Variants in STK39 observed in about 807,000 individuals in gnomAD.
STK39 encodes the protein serine/threonine kinase 39, also known as STE20/SPS1-related proline-alanine-rich protein kinase.
In STK39, 20 loss-of-function variants were observed where a neutral mutation model predicts 77.8. The ratio of observed to expected loss-of-function variants is 0.26; its 90% CI spans 0.18 to 0.37. The LOEUF (loss-of-function observed/expected upper bound fraction) is 0.37. Among genes scored for constraint, STK39 ranks in the 10% least tolerant of loss-of-function variants. STK39 has a pLI of 1.00. For synonymous variants in STK39, 246 were observed against 234.1 expected (o/e 1.05, Z -0.47); for missense variants, 479 against 656.5 (o/e 0.73, Z 2.95).
chr2:168,105,545 C>G (rs967621133), intron 10 of STK39, among the ~76,000 whole-genome samples: 2 of 152,134 alleles, frequency 1.3e-5, no homozygotes, highest in Non-Finnish European at 2.9e-5. Flanking sequence ...AGCCTGGGCT[C>G]GAAAGTCAAT....
At chr2:168,119,277 A>C (rs1816977) in intron 10 of STK39, among the ~76,000 whole-genome samples, 124,288 of 152,066 alleles carry the variant, frequency 0.82, 50,773 homozygotes, top group African/African-American at 0.84. Context: ...CTTCACTGTT[A>C]TTATTGTACA....
In STK39 at chr2:168,182,047, G is replaced by A. The variant is rs375287765; in HGVS notation, c.252C>T (p.Pro84=). The part of the protein sequence containing the change: ...TAVVQAALCK[P]RQERVAIKRI... ...GTTTTATTGCTACACGTTCTTGCCT[G>A]GGTTTGCATAGGGCTGCCTGAACCA... Residue 84 remains proline (P), a synonymous_variant, in exon 2 of 18, where the codon CCC becomes CCT. Coordinates refer to ENST00000355999, the MANE Select transcript of STK39 (RefSeq NM_013233.3). The A allele has an allele frequency of 3.1e-5, 50 of 1,613,892 alleles. No individual in the cohort carries two copies. In the African/African-American group the frequency reaches 4.8e-4, roughly 16 times the overall value.
In STK39 at chr2:167,954,735, G is replaced by T. The variant is rs560567695; in HGVS notation, c.*761C>A. The T allele has an allele frequency of 6.5e-6, 1 of 152,746 alleles. No homozygotes were observed. The highest frequency in any genetic ancestry group is 2.1e-4 in the South Asian group (1 of 4,828). The allele number at this position is 152,746 out of a possible 1,614,324, so 9.5% of individuals were successfully genotyped here. A position where few individuals can be genotyped will look rare whatever the true frequency, so the allele number is the denominator to read the frequency against. On this transcript the variant is annotated 3_prime_UTR_variant, in exon 18 of 18. Coordinates refer to ENST00000355999, the MANE Select transcript of STK39 (RefSeq NM_013233.3). ...TGCAAGGCACCTCCCTCTCCCAAGAGACAGTCAGATTGTAAATTGGTTTTT... is the reference window on the plus strand; with the variant it reads ...TGCAAGGCACCTCCCTCTCCCAAGATACAGTCAGATTGTAAATTGGTTTTT...
chr2:168,068,957 C>T (rs997338842), intron 12 of STK39, among the ~76,000 whole-genome samples: 1 of 152,172 alleles, frequency 6.6e-6, no homozygotes, highest in African/African-American at 2.4e-5. Context: ...CACTCAGTCA[C>T]CTAGGCTGGA....
intron 10 of STK39, among the ~76,000 whole-genome samples, chr2:168,075,461 T>C (rs1485463228): frequency 1.3e-5 from 2 of 152,022 alleles, no homozygotes; most frequent in Non-Finnish European, 2.9e-5. Context: ...ACTATATACA[T>C]GAAGAACAAA....
intron 1 of STK39, among the ~76,000 whole-genome samples, chr2:168,233,043 T>C (rs1690500789): frequency 6.6e-6 from 1 of 152,162 alleles, no homozygotes; most frequent in Non-Finnish European, 1.5e-5. Flanking sequence ...TCAGAGATCG[T>C]CACTTTTTAA....
At chr2:168,148,039 C>T (rs913508015) in intron 5 of STK39, among the ~76,000 whole-genome samples, 8 of 152,170 alleles carry the variant, frequency 5.3e-5, no homozygotes, top group African/African-American at 1.7e-4. Flanking sequence ...TTGAGAATAA[C>T]AAGAAAGCTC....
At chr2:168,154,912 G>T (rs6754648) in intron 5 of STK39, among the ~76,000 whole-genome samples, 1 of 151,896 alleles carries the variant, frequency 6.6e-6, no homozygotes, top group Non-Finnish European at 1.5e-5. Flanking sequence ...AAAAATAAAC[G>T]AAAAAATAAG....
chr2:168,206,733 C>T (rs192061952), intron 1 of STK39, among the ~76,000 whole-genome samples: 34 of 152,220 alleles, frequency 2.2e-4, no homozygotes, highest in Admixed American at 3.3e-4. Flanking sequence ...AAAACAGACA[C>T]CCAATATTCC....
chr2:168,072,710 G>C (rs114727645), intron 12 of STK39, among the ~76,000 whole-genome samples: 3,058 of 152,232 alleles, frequency 0.02, 107 homozygotes, highest in African/African-American at 0.07. Flanking sequence ...CTTTATAATA[G>C]ATAAATAAAA....
intron 16 of STK39, among the ~76,000 whole-genome samples, chr2:167,996,630 A>G (rs1003374843): frequency 2.6e-5 from 4 of 152,186 alleles, no homozygotes; most frequent in Admixed American, 2.6e-4. Context: ...TAGAAATAGA[A>G]GGCTTATTGC....
rs1216317000 is a variant in STK39 at position 167,954,340 on chromosome 2, G to T, written c.*1156C>A. The T allele has an allele frequency of 6.6e-6, 1 of 152,612 alleles. No homozygotes were observed. Among genetic ancestry groups the T allele is most frequent in the African/African-American group, 2.4e-5 (1 of 41,444 alleles). The allele number at this position is 152,612 out of a possible 1,614,324, so 9.5% of individuals were successfully genotyped here. The stretch of plus-strand genomic sequence containing the variant: ...AGGTTTACTAGTTCCATAATATACA[G>T]TCAAGCAGAGGGCTACTTGGGTTGA... On this transcript the variant is annotated 3_prime_UTR_variant, in exon 18 of 18. Transcript: ENST00000355999.
At chr2:168,048,503 C>CCCGGCCCG (rs142317906) in intron 14 of STK39, among the ~76,000 whole-genome samples, 12 of 150,384 alleles carry the variant, frequency 8.0e-5, no homozygotes, top group East Asian at 2.0e-4. Context: ...TGAGCCACCG[C>CCCGGCCCG]GCCCGGCCCG....
chr2:168,145,690 T>C (rs1688118761), intron 5 of STK39, among the ~76,000 whole-genome samples: 1 of 152,176 alleles, frequency 6.6e-6, no homozygotes, highest in Non-Finnish European at 1.5e-5. Flanking sequence ...TACTTCAACA[T>C]ATGCCATGTG....
At chr2:168,200,621 G>A (rs185085293) in intron 1 of STK39, among the ~76,000 whole-genome samples, 2 of 152,210 alleles carry the variant, frequency 1.3e-5, no homozygotes, top group African/African-American at 2.4e-5. Flanking sequence ...AGGTTGCAGT[G>A]AGCCAAGATC....
chr2:168,013,320 C>T (rs1245632277), intron 15 of STK39, among the ~76,000 whole-genome samples: 1 of 152,198 alleles, frequency 6.6e-6, no homozygotes, highest in Non-Finnish European at 1.5e-5. Flanking sequence ...CAGGAGTTCG[C>T]AATCTCATAA....
intron 2 of STK39, among the ~76,000 whole-genome samples, chr2:168,173,241 C>T (rs1688872708): frequency 6.6e-6 from 1 of 152,118 alleles, no homozygotes; most frequent in South Asian, 2.1e-4. Flanking sequence ...AAAATGTATG[C>T]AATACCCTCG....
intron 16 of STK39, among the ~76,000 whole-genome samples, chr2:167,983,299 G>A (rs1412596594): frequency 1.3e-5 from 2 of 151,972 alleles, no homozygotes; most frequent in Admixed American, 1.3e-4. Flanking sequence ...GACCAAGATG[G>A]TGAAACCCTG....
intron 2 of STK39, among the ~76,000 whole-genome samples, chr2:168,171,912 A>G (rs970510244): frequency 7.5e-6 from 1 of 133,928 alleles, no homozygotes; most frequent in Non-Finnish European, 1.5e-5. Flanking sequence ...ACTGAGGCCA[A>G]TCAGGAACTG....
Sources: gnomAD v4.1 joint callset for allele counts (sites outside exome capture counted in the v4.1 genomes callset) on GRCh38, gnomAD v4.1.1 for gene constraint, MANE v1.5 for transcripts, NCBI Gene and HGNC (gene_info 2026-07-23, HGNC 2026-07-21) for gene names.